LARGE1: variants seen among roughly 807,000 people sequenced by gnomAD.
LARGE1 encodes the protein LARGE xylosyl- and glucuronyltransferase 1.
In LARGE1, 43 loss-of-function variants were observed where a neutral mutation model predicts 87.6. The observed-to-expected ratio is 0.49, with a 90% CI of 0.38 to 0.63. The LOEUF (loss-of-function observed/expected upper bound fraction) is 0.63, where lower values mean the gene tolerates loss of function less well. LARGE1 is among the 30% of genes least tolerant of loss of function. The pLI, the probability that LARGE1 is intolerant of heterozygous loss-of-function variation, is 0.00. For synonymous variants in LARGE1, 434 were observed against 394.6 expected, an observed-to-expected ratio of 1.10 and a Z score of -1.18; for missense variants, 802 against 1,000.2, an observed-to-expected ratio of 0.80 and a Z score of 2.67.
At chr22:33,220,680 G>A (rs1279124033) in intron 11 of LARGE1, among the ~76,000 whole-genome samples, 2 of 152,178 alleles carry the variant, frequency 1.3e-5, no homozygotes, top group East Asian at 3.9e-4. Context: ...TGAGCACGGC[G>A]CTGAAGCTGC....
rs1461386497 is a variant in LARGE1 at position 33,382,743 on chromosome 22, T to C, written c.1006-699A>G. ...TGGCAGAAGATGGCTGAATAAACTATCCTTACTGGACATGGGCATACAATT... is the reference window on the plus strand; with the variant it reads ...TGGCAGAAGATGGCTGAATAAACTACCCTTACTGGACATGGGCATACAATT... On this transcript the variant is annotated intron_variant, in intron 8 of 14. Coordinates refer to ENST00000397394, the MANE Select transcript of LARGE1 (RefSeq NM_133642.5). 2.0e-5 allele frequency among the ~76,000 whole-genome samples: 3 copies of C among 152,190 alleles called. No individual in the cohort carries two copies. The East Asian group carries it at 5.8e-4, about 29-fold the overall frequency.
intron 1 of LARGE1, among the ~76,000 whole-genome samples, chr22:33,831,522 C>A (rs943308545): frequency 5.9e-5 from 9 of 152,064 alleles, no homozygotes; most frequent in African/African-American, 2.2e-4. Context: ...GCCCTAGGAC[C>A]GATGCCTGCC....
intron 2 of LARGE1, among the ~76,000 whole-genome samples, chr22:33,736,416 T>A (rs1025183241): frequency 5.9e-5 from 9 of 152,266 alleles, no homozygotes; most frequent in African/African-American, 2.2e-4. Context: ...CATGTGCTTT[T>A]TGACAACCTG....
chr22:33,479,522 G>A (rs1429887860), intron 6 of LARGE1, among the ~76,000 whole-genome samples: 1 of 152,130 alleles, frequency 6.6e-6, no homozygotes, highest in Non-Finnish European at 1.5e-5. Context: ...AACAGTGCCT[G>A]GCATATAACA....
chr22:33,067,027 T>A, the LARGE1 span, among the ~76,000 whole-genome samples: 1 of 152,046 alleles, frequency 6.6e-6, no homozygotes, highest in Non-Finnish European at 1.5e-5. Context: ...TGAGACTGGA[T>A]GCTGAGTTCC....
chr22:33,432,369 T>A, intron 6 of LARGE1, 104 bp from the exon 7 acceptor site: 1 of 833,264 alleles, frequency 1.2e-6, no homozygotes, highest in Non-Finnish European at 2.0e-6. Flanking sequence ...ACAACAACAG[T>A]ATTCACTTAC....
chr22:33,120,802 C>T, the LARGE1 span, among the ~76,000 whole-genome samples: 1 of 152,000 alleles, frequency 6.6e-6, no homozygotes, highest in East Asian at 1.9e-4. Context: ...CAGGCTTGAT[C>T]CACCATGCCC....
chr22:33,733,800 C>CA (rs923627868), intron 2 of LARGE1: 1 of 151,466 alleles, frequency 6.6e-6, no homozygotes, highest in African/African-American at 2.4e-5. Flanking sequence ...AATCAAACGA[C>CA]AAAGTGCTGG....
Position 33,903,703 on chromosome 22 carries a change from T to C in LARGE1, c.-83+16292A>G, listed in dbSNP as rs543851815. Among the ~76,000 whole-genome samples the C allele has an allele frequency of 3.3e-4, 50 of 152,164 alleles. 1 individual carries two copies. Among genetic ancestry groups the C allele is most frequent in the African/African-American group, 1.1e-3 (45 of 41,532 alleles). ...AGCTGGGCATGGTGGTGGGCGCCTGTGATCCCAGCTACTTGGGAGGCTGAG... is the reference window on the plus strand; with the variant it reads ...AGCTGGGCATGGTGGTGGGCGCCTGCGATCCCAGCTACTTGGGAGGCTGAG... On this transcript the variant is annotated intron_variant, in intron 1 of 14. Transcript: ENST00000397394.
At chr22:33,783,993 CTCTT>C (rs1451339039) in intron 1 of LARGE1, among the ~76,000 whole-genome samples, 3 of 152,162 alleles carry the variant, frequency 2.0e-5, no homozygotes, top group Non-Finnish European at 2.9e-5. Flanking sequence ...GACAATCTCT[CTCTT>C]TCTTTTTTCT....
chr22:33,713,972 G>A (rs974914306), intron 2 of LARGE1, among the ~76,000 whole-genome samples: 2 of 119,630 alleles, frequency 1.7e-5, no homozygotes, highest in Admixed American at 8.7e-5. Flanking sequence ...AGTAAATAAC[G>A]TAACATAACG....
At chr22:33,383,844 G>T (rs970121681) in intron 8 of LARGE1, among the ~76,000 whole-genome samples, 7 of 152,194 alleles carry the variant, frequency 4.6e-5, no homozygotes, top group Admixed American at 1.3e-4. Context: ...ACCTGGTGAT[G>T]AAGAGGGCAC....
chr22:33,545,266 T>TTC, intron 6 of LARGE1, among the ~76,000 whole-genome samples: 1 of 17,646 alleles, frequency 5.7e-5, no homozygotes, highest in Non-Finnish European at 1.3e-4. Context: ...TTCCTTTTCT[T>TTC]TTTTTTTTTT....
intron 11 of LARGE1, among the ~76,000 whole-genome samples, chr22:33,185,574 C>G (rs1923429588): frequency 6.6e-6 from 1 of 151,952 alleles, no homozygotes; most frequent in Non-Finnish European, 1.5e-5. Context: ...AATGATATGT[C>G]AATGTAGGTT....
At chr22:33,571,866 G>A (rs541756129) in intron 5 of LARGE1, among the ~76,000 whole-genome samples, 1 of 152,056 alleles carries the variant, frequency 6.6e-6, no homozygotes, top group Non-Finnish European at 1.5e-5. Flanking sequence ...TATTCAATGT[G>A]CTCTTCACTC....
intron 2 of LARGE1, among the ~76,000 whole-genome samples, chr22:33,663,326 G>A (rs1372201846): frequency 6.6e-6 from 1 of 151,986 alleles, no homozygotes; most frequent in Non-Finnish European, 1.5e-5. Flanking sequence ...TTGACGGACG[G>A]GTATTTTCTT....
the LARGE1 span, among the ~76,000 whole-genome samples, chr22:33,078,887 C>G: frequency 6.6e-6 from 1 of 152,150 alleles, no homozygotes; most frequent in Non-Finnish European, 1.5e-5. Flanking sequence ...TGAGATGTCT[C>G]TTGATCTAAG....
At chr22:33,701,526 T>C (rs2149371290) in intron 2 of LARGE1, among the ~76,000 whole-genome samples, 1 of 152,248 alleles carries the variant, frequency 6.6e-6, no homozygotes, top group South Asian at 2.1e-4. Flanking sequence ...CTTCCCTGGA[T>C]CCCAACATTC....
At chr22:33,697,327 T>C (rs1478746371) in intron 2 of LARGE1, among the ~76,000 whole-genome samples, 5 of 152,030 alleles carry the variant, frequency 3.3e-5, no homozygotes, top group African/African-American at 1.2e-4. Flanking sequence ...TTAACCACAG[T>C]TTCCTTGGTG....
Sources: allele counts gnomAD v4.1 joint callset (sites outside exome capture counted in the v4.1 genomes callset), GRCh38; gene constraint gnomAD v4.1.1; transcripts MANE v1.5; gene names NCBI Gene and HGNC (gene_info 2026-07-23, HGNC 2026-07-21).